Variants in CSMD1 observed in about 807,000 individuals in gnomAD.
CSMD1 encodes the protein CUB and Sushi multiple domains 1, also known as CUB and sushi domain-containing protein 1.
Under a neutral mutation model 417.5 loss-of-function variants are expected in CSMD1, and 213 were observed. The ratio of observed to expected loss-of-function variants is 0.51; its 90% CI spans 0.46 to 0.57. CSMD1 has a LOEUF of 0.57. CSMD1 is among the 20% of genes least tolerant of loss of function. The pLI, the probability that CSMD1 is intolerant of heterozygous loss-of-function variation, is 0.00. For synonymous variants in CSMD1, 2,862 were observed against 1,736.8 expected, an observed-to-expected ratio of 1.65 and a Z score of -16.11; for missense variants, 6,923 against 4,529.7, an observed-to-expected ratio of 1.53 and a Z score of -15.17.
chr8:4,288,086 G>C (rs1436567141), intron 3 of CSMD1, among the ~76,000 whole-genome samples: 3 of 152,248 alleles, frequency 2.0e-5, no homozygotes, highest in Admixed American at 6.5e-5. Context: ...CTTTTACTGA[G>C]CCTTAGTTTT....
intron 3 of CSMD1, among the ~76,000 whole-genome samples, chr8:4,142,304 T>C (rs1043510211): frequency 2.0e-5 from 3 of 151,148 alleles, no homozygotes; most frequent in Admixed American, 1.3e-4. Context: ...CTCCCAAAGA[T>C]TTGCTATCTT....
In CSMD1 at chr8:3,359,171, T is replaced by G. The variant is rs765384003; in HGVS notation, c.3285A>C (p.Ala1095=). The change falls in exon 21 of 70, where the codon GCA becomes GCC. Residue 1095 remains alanine, a synonymous_variant. Coordinates refer to ENST00000635120, the MANE Select transcript of CSMD1 (RefSeq NM_033225.6). ...CLGGGRRVWS[A]PLPRCVAECG... ...ACCTACCCACACACCTTGGCAGAGG[T>G]GCACTCCACACACGGCGGCCCCCAC... 2.5e-6 allele frequency: 4 copies of G among 1,613,760 alleles called. No homozygotes were observed. Among genetic ancestry groups the G allele is most frequent in the Non-Finnish European group, 3.4e-6 (4 of 1,179,916 alleles).
intron 46 of CSMD1, among the ~76,000 whole-genome samples, chr8:3,104,493 T>C (rs1252292127): frequency 1.3e-5 from 2 of 152,140 alleles, no homozygotes; most frequent in Non-Finnish European, 2.9e-5. Context: ...AGCGGTTTCC[T>C]GTAATCAATA....
At chr8:3,574,661 G>C (rs1285127485) in intron 10 of CSMD1, among the ~76,000 whole-genome samples, 1 of 152,186 alleles carries the variant, frequency 6.6e-6, no homozygotes, top group Non-Finnish European at 1.5e-5. Flanking sequence ...TGAGACCTGA[G>C]TTGAAAAAGA....
At chr8:4,160,122 A>G (rs1293770985) in intron 3 of CSMD1, among the ~76,000 whole-genome samples, 1 of 152,204 alleles carries the variant, frequency 6.6e-6, no homozygotes, top group Non-Finnish European at 1.5e-5. Flanking sequence ...ACATTAAAAA[A>G]TAACGTCTTA....
intron 3 of CSMD1, among the ~76,000 whole-genome samples, chr8:4,311,768 G>C (rs1297652629): frequency 2.7e-5 from 4 of 149,898 alleles, no homozygotes; most frequent in Admixed American, 2.0e-4. Flanking sequence ...AGAGTTCATA[G>C]AGGGGAACAC....
At chr8:4,392,025 T>C (rs888351347) in intron 3 of CSMD1, among the ~76,000 whole-genome samples, 1 of 152,158 alleles carries the variant, frequency 6.6e-6, no homozygotes, top group Non-Finnish European at 1.5e-5. Context: ...AGTGGGTAAG[T>C]GAGTCCCAGG....
At chr8:4,667,964 A>G (rs1805043653) in intron 1 of CSMD1, among the ~76,000 whole-genome samples, 2 of 152,186 alleles carry the variant, frequency 1.3e-5, no homozygotes, top group African/African-American at 2.4e-5. Flanking sequence ...TTTACCTGCC[A>G]TTGCATTTGT....
chr8:3,092,833 G>A (rs775208993), intron 47 of CSMD1, among the ~76,000 whole-genome samples: 18 of 152,270 alleles, frequency 1.2e-4, no homozygotes, highest in South Asian at 6.2e-4. Context: ...TCGTAAAAGC[G>A]TTCATGGCAT....
chr8:3,261,969 C>G (rs367690770), intron 26 of CSMD1, among the ~76,000 whole-genome samples: 29 of 151,830 alleles, frequency 1.9e-4, no homozygotes, highest in African/African-American at 6.5e-4. Context: ...ATAGTGAACT[C>G]TAGTTCTACA....
chr8:3,325,715 T>A (rs896150964), intron 23 of CSMD1, among the ~76,000 whole-genome samples: 1 of 152,070 alleles, frequency 6.6e-6, no homozygotes, highest in Admixed American at 6.5e-5. Context: ...TCCCAGCTAC[T>A]CGGGAAGCTG....
intron 23 of CSMD1, among the ~76,000 whole-genome samples, chr8:3,335,988 G>A (rs1807237199): frequency 6.6e-6 from 1 of 152,080 alleles, no homozygotes; most frequent in South Asian, 2.1e-4. Flanking sequence ...TACATGCAGA[G>A]GACGATGAGT....
At chr8:3,275,833 A>C (rs576113760) in intron 26 of CSMD1, among the ~76,000 whole-genome samples, 2 of 151,928 alleles carry the variant, frequency 1.3e-5, no homozygotes, top group African/African-American at 4.8e-5. Context: ...CATTCTTCTA[A>C]ACTTTTTTCA....
intron 3 of CSMD1, among the ~76,000 whole-genome samples, chr8:4,234,779 C>T (rs372789556): frequency 3.3e-5 from 5 of 152,296 alleles, no homozygotes; most frequent in African/African-American, 9.6e-5. Context: ...TCTGGGCTAA[C>T]TTGCCCCCAG....
intron 5 of CSMD1, among the ~76,000 whole-genome samples, chr8:3,957,472 G>T (rs1456900466): frequency 2.6e-5 from 4 of 152,100 alleles, no homozygotes; most frequent in African/African-American, 9.7e-5. Context: ...GAGCCTAGGA[G>T]TATTGGACCA....
intron 3 of CSMD1, among the ~76,000 whole-genome samples, chr8:4,124,085 A>C (rs975582649): frequency 9.2e-5 from 14 of 152,178 alleles, no homozygotes; most frequent in Non-Finnish European, 1.9e-4. Flanking sequence ...GCACAGAACA[A>C]CGAAGAAAAA....
chr8:3,302,226 C>A (rs1020972417), intron 25 of CSMD1, among the ~76,000 whole-genome samples: 2 of 152,160 alleles, frequency 1.3e-5, no homozygotes, highest in Non-Finnish European at 2.9e-5. Context: ...AAGTTTGGAT[C>A]AGCTTCCACC....
chr8:2,977,617 G>C (rs1208361169), intron 55 of CSMD1, among the ~76,000 whole-genome samples: 1 of 152,114 alleles, frequency 6.6e-6, no homozygotes, highest in Non-Finnish European at 1.5e-5. Context: ...CACTGCAAAA[G>C]AAACTATCCT....
chr8:4,860,910 G>C (rs983524271), intron 1 of CSMD1, among the ~76,000 whole-genome samples: 3 of 151,992 alleles, frequency 2.0e-5, no homozygotes, highest in Non-Finnish European at 2.9e-5. Context: ...TCTACATAGT[G>C]AATCTCTGTT....
Sources: allele counts gnomAD v4.1 joint callset (sites outside exome capture counted in the v4.1 genomes callset), GRCh38; gene constraint gnomAD v4.1.1; transcripts MANE v1.5; gene names NCBI Gene and HGNC (gene_info 2026-07-23, HGNC 2026-07-21).